The following BMPR1A variants were observed in gnomAD, a reference collection of about 807,000 sequenced individuals.
The protein encoded by BMPR1A is bone morphogenetic protein receptor type-1A.
Under a neutral mutation model 66.0 loss-of-function variants are expected in BMPR1A, and 7 were observed. The observed-to-expected ratio is 0.11, with a 90% CI of 0.06 to 0.20. The LOEUF is 0.20. Ranked by LOEUF, BMPR1A falls within the 10% of genes least tolerant of loss-of-function variation. BMPR1A has a pLI of 1.00. For missense variants in BMPR1A, 408 were observed against 669.1 expected (o/e 0.61, Z 4.31); for synonymous variants, 200 against 229.7 (o/e 0.87, Z 1.17).
chr10:86,862,665 A>G (rs1842727389), intron 2 of BMPR1A, among the ~76,000 whole-genome samples: 2 of 152,166 alleles, frequency 1.3e-5, no homozygotes, highest in African/African-American at 4.8e-5. Flanking sequence ...GGTTCTGGAC[A>G]GATTCTGCAG....
chr10:86,830,307 G>A (rs952322444), intron 1 of BMPR1A, among the ~76,000 whole-genome samples: 3 of 152,222 alleles, frequency 2.0e-5, no homozygotes, highest in Admixed American at 1.3e-4. Flanking sequence ...TGCTAAAACA[G>A]GAATTTACAA....
chr10:86,893,854 A>G (rs1278673383), intron 5 of BMPR1A, among the ~76,000 whole-genome samples: 2 of 152,116 alleles, frequency 1.3e-5, no homozygotes, highest in Non-Finnish European at 2.9e-5. Flanking sequence ...TCAACCTCTC[A>G]GCTAATGTTT....
chr10:86,853,857 CGG>C (rs1222549530), intron 2 of BMPR1A, among the ~76,000 whole-genome samples: 1 of 151,730 alleles, frequency 6.6e-6, no homozygotes, highest in Non-Finnish European at 1.5e-5. Context: ...GACCACAGGA[CGG>C]GGCGAAATTA....
In BMPR1A at chr10:86,889,932, T is replaced by G. The variant is rs961893985; in HGVS notation, c.68-130T>G. ...GTTTGTTGTATGAATGAAATTTATA[T>G]TTCTAAAGAAACATGCTAGCTACAA... On this transcript the variant is annotated intron_variant, in intron 3 of 12. Coordinates refer to ENST00000372037, the MANE Select transcript of BMPR1A (RefSeq NM_004329.3). 6.0e-6 allele frequency: 6 copies of G among 996,590 alleles called. No homozygotes were observed. In the East Asian group the frequency reaches 1.6e-4, roughly 26 times the overall value. 61.7% of individuals were successfully genotyped at this position (996,590 alleles called of 1,614,324 possible). A position where few individuals can be genotyped will look rare whatever the true frequency, so the allele number is the denominator to read the frequency against.
At chr10:86,793,891 G>A (rs1409687887) in intron 1 of BMPR1A, among the ~76,000 whole-genome samples, 1 of 152,144 alleles carries the variant, frequency 6.6e-6, no homozygotes, top group Non-Finnish European at 1.5e-5. Context: ...GCCTCTTACA[G>A]CCTCTAGAGG....
At chr10:86,783,337 G>A (rs1416047920) in intron 1 of BMPR1A, among the ~76,000 whole-genome samples, 1 of 152,182 alleles carries the variant, frequency 6.6e-6, no homozygotes, top group East Asian at 1.9e-4. Context: ...GGGGTCCTTT[G>A]AGATTACTTA....
chr10:86,894,401 C>T (rs141892563), intron 5 of BMPR1A, among the ~76,000 whole-genome samples: 14 of 152,332 alleles, frequency 9.2e-5, no homozygotes, highest in African/African-American at 2.6e-4. Flanking sequence ...ATCCTTTGCT[C>T]TAATTTGTTG....
At chr10:86,892,348 T>C (rs997691584) in intron 5 of BMPR1A, 119 bp downstream of exon 5, 1 of 747,286 alleles carries the variant, frequency 1.3e-6, no homozygotes, top group African/African-American at 1.8e-5. Flanking sequence ...TCAGTAAATA[T>C]ATTGGAGGAA....
At chr10:86,783,002 G>A (rs1841460318) in intron 1 of BMPR1A, among the ~76,000 whole-genome samples, 1 of 152,076 alleles carries the variant, frequency 6.6e-6, no homozygotes, top group African/African-American at 2.4e-5. Flanking sequence ...ATGGTTTCAG[G>A]TCTTATGTTT....
intron 2 of BMPR1A, among the ~76,000 whole-genome samples, chr10:86,859,963 GT>G (rs1466463358): frequency 6.6e-6 from 1 of 152,104 alleles, no homozygotes; most frequent in Non-Finnish European, 1.5e-5. Flanking sequence ...ATCTCTTCAA[GT>G]TTATTTATTG....
intron 4 of BMPR1A, among the ~76,000 whole-genome samples, chr10:86,890,850 T>C (rs10788532): frequency 0.15 from 22,666 of 152,228 alleles, 2,657 homozygotes; most frequent in East Asian, 0.67. Context: ...ATTTATAAAA[T>C]GATTTTAATT....
chr10:86,876,136 T>A (rs1842919429), intron 3 of BMPR1A, 51 bp downstream of exon 3: 1 of 1,523,842 alleles, frequency 6.6e-7, no homozygotes, highest in South Asian at 1.1e-5. Context: ...AAAAGCACTA[T>A]TTCTTGCTTC....
chr10:86,841,867 C>T (rs991102485), intron 2 of BMPR1A, among the ~76,000 whole-genome samples: 28 of 152,158 alleles, frequency 1.8e-4, no homozygotes, highest in African/African-American at 7.2e-5. Flanking sequence ...ACAGAATGAA[C>T]GTTCCATAAA....
intron 2 of BMPR1A, among the ~76,000 whole-genome samples, chr10:86,874,279 T>C (rs766534868): frequency 8.5e-5 from 13 of 152,202 alleles, no homozygotes; most frequent in Non-Finnish European, 1.5e-4. Context: ...CAAACCTTAA[T>C]TGGAGAGATT....
intron 7 of BMPR1A, among the ~76,000 whole-genome samples, chr10:86,911,343 T>C (rs1357030532): frequency 5.3e-5 from 8 of 152,286 alleles, no homozygotes; most frequent in East Asian, 3.9e-4. Context: ...ACTGAGAAGA[T>C]TGTTGAAACA....
In BMPR1A at chr10:86,925,384, C is replaced by G. The variant is rs1218625492; in HGVS notation, c.*1665C>G. 1 of 219,130 alleles carries G rather than the reference C, an allele frequency of 4.6e-6. No homozygotes were observed. Among genetic ancestry groups the G allele is most frequent in the Non-Finnish European group, 9.1e-6 (1 of 109,364 alleles). 13.6% of individuals were successfully genotyped at this position (219,130 alleles called of 1,614,324 possible). A position where few individuals can be genotyped will look rare whatever the true frequency, so the allele number is the denominator to read the frequency against. ...TAAATGGGAGGAAATCAGCATATGT[C>G]CACCCATTACCAAAATTTGACTATC... is the stretch of plus-strand genomic sequence containing the variant. On this transcript the variant is annotated 3_prime_UTR_variant, in exon 13 of 13. Coordinates refer to ENST00000372037, the MANE Select transcript of BMPR1A (RefSeq NM_004329.3).
At chr10:86,876,533 C>G (rs1325000552) in intron 3 of BMPR1A, among the ~76,000 whole-genome samples, 3 of 152,044 alleles carry the variant, frequency 2.0e-5, no homozygotes, top group Non-Finnish European at 4.4e-5. Context: ...CCTGTAATCC[C>G]AGCGCTTTGG....
At chr10:86,839,201 A>C (rs1049626549) in intron 2 of BMPR1A, among the ~76,000 whole-genome samples, 2 of 152,170 alleles carry the variant, frequency 1.3e-5, no homozygotes, top group African/African-American at 4.8e-5. Flanking sequence ...CAGGAGTGAA[A>C]GGTATTTATT....
chr10:86,819,785 C>T (rs1034970428), intron 1 of BMPR1A, among the ~76,000 whole-genome samples: 2 of 152,154 alleles, frequency 1.3e-5, no homozygotes, highest in Non-Finnish European at 2.9e-5. Flanking sequence ...CCAGGCATAC[C>T]ATGGGTTCTT....
Sources: gnomAD v4.1 joint callset for allele counts (sites outside exome capture counted in the v4.1 genomes callset) on GRCh38, gnomAD v4.1.1 for gene constraint, MANE v1.5 for transcripts, NCBI Gene and HGNC (gene_info 2026-07-23, HGNC 2026-07-21) for gene names.